The following TRAPPC10 variants were observed in gnomAD, a reference collection of about 807,000 sequenced individuals.
TRAPPC10 encodes trafficking protein particle complex subunit 10.
In TRAPPC10, 23 loss-of-function variants were observed where a neutral mutation model predicts 125.5. The observed-to-expected ratio is 0.18, with a 90% CI of 0.13 to 0.26. The LOEUF is 0.26. Among genes scored for constraint, TRAPPC10 ranks in the 10% least tolerant of loss-of-function variants. The pLI, the probability that TRAPPC10 is intolerant of heterozygous loss-of-function variation, is 1.00. For synonymous variants in TRAPPC10, 509 were observed against 518.0 expected, an observed-to-expected ratio of 0.98 and a Z score of 0.24; for missense variants, 1,123 against 1,308.4, an observed-to-expected ratio of 0.86 and a Z score of 2.19.
Position 44,075,157 on chromosome 21 carries a change from C to G in TRAPPC10, c.1300+4C>G, listed in dbSNP as rs1569199412. On this transcript the variant is annotated splice_donor_region_variant and intron_variant, in intron 9 of 22. Coordinates refer to ENST00000291574, the MANE Select transcript of TRAPPC10 (RefSeq NM_003274.5). ...GGAGCTGAGCGACCAGAAACAGGTA[C>G]TTTTTTGTATATACCTGTGTGAGTG... 2 of 1,605,220 alleles carry G rather than the reference C, an allele frequency of 1.2e-6. No homozygotes were observed. Among genetic ancestry groups the G allele is most frequent in the East Asian group, 4.5e-5 (2 of 44,830 alleles).
chr21:44,065,673 C>A (rs2036393646), intron 7 of TRAPPC10, among the ~76,000 whole-genome samples: 1 of 152,220 alleles, frequency 6.6e-6, no homozygotes. Context: ...CGCCTCCTTA[C>A]ATGCGCTGTG....
chr21:44,030,305 C>T (rs766246852), intron 1 of TRAPPC10, among the ~76,000 whole-genome samples: 4 of 151,980 alleles, frequency 2.6e-5, no homozygotes, highest in South Asian at 2.1e-4. Flanking sequence ...GAGGAGAAAG[C>T]GATTCCATTT....
intron 15 of TRAPPC10, among the ~76,000 whole-genome samples, chr21:44,086,039 A>C (rs773327580): frequency 6.6e-6 from 1 of 152,244 alleles, no homozygotes; most frequent in African/African-American, 2.4e-5. Context: ...TGTGGGACAC[A>C]GCAGTCAGTC....
At chr21:44,085,706 C>T (rs959162131) in intron 15 of TRAPPC10, among the ~76,000 whole-genome samples, 4 of 122,242 alleles carry the variant, frequency 3.3e-5, no homozygotes, top group Non-Finnish European at 6.2e-5. Flanking sequence ...AACTCCATCT[C>T]TTAAAAAAAA....
In TRAPPC10 at chr21:44,086,856, A is replaced by G. The variant is rs1192472618; in HGVS notation, c.2435A>G (p.His812Arg). 2.5e-6 allele frequency: 4 copies of G among 1,614,062 alleles called. No individual in the cohort carries two copies. Among genetic ancestry groups the G allele is most frequent in the East Asian group, 2.2e-5 (1 of 44,894 alleles). The change falls in exon 16 of 23, where the codon CAT (histidine) becomes CGT (arginine). Residue 812 changes from histidine (H) to arginine (R), a missense_variant. Physicochemically the swap from His to Arg is conservative, Grantham distance 29. Transcript: ENST00000291574. ...QRVKFTVTTGHYTIKNGDSLQ... is the reference protein window; with the variant it reads ...QRVKFTVTTGRYTIKNGDSLQ... ...GTCAAGTTCACTGTCACTACCGGCC[A>G]TTATACGATAAAGAATGGAGACAGC...
chr21:44,012,690 C>T, intron 1 of TRAPPC10, 130 bp downstream of exon 1: 1 of 764,722 alleles, frequency 1.3e-6, no homozygotes, highest in Non-Finnish European at 2.0e-6. Flanking sequence ...GGAGGTGTGA[C>T]CAGGGCTGCG....
intron 1 of TRAPPC10, among the ~76,000 whole-genome samples, chr21:44,027,936 T>TA (rs1169617897): frequency 3.9e-5 from 6 of 152,164 alleles, no homozygotes. Context: ...GACTCAGACT[T>TA]ACACCCTCCA....
At chr21:44,036,383 A>G (rs1452661176) in intron 2 of TRAPPC10, among the ~76,000 whole-genome samples, 2 of 152,212 alleles carry the variant, frequency 1.3e-5, no homozygotes, top group Admixed American at 6.5e-5. Flanking sequence ...TCCCACCCTG[A>G]GGGCCTTGCG....
chr21:44,082,432 A>T lies in TRAPPC10; in HGVS notation c.1724-356A>T, dbSNP rs944036687. Reference sequence around the variant, plus strand: ...AGCATGTTTTTAAGTAGGTGAGAAAATATTGGAATCCCTTGGAAATAGCTG... The same window carrying T: ...AGCATGTTTTTAAGTAGGTGAGAAATTATTGGAATCCCTTGGAAATAGCTG... On this transcript the variant is annotated intron_variant, in intron 13 of 22. Transcript: ENST00000291574. This position sits in a 1 kb window ranked among gnomAD's most constrained non-coding sequence, Gnocchi z 4.4. Among the ~76,000 whole-genome samples, 14 of 152,336 alleles carry T rather than the reference A, an allele frequency of 9.2e-5. No homozygotes were observed. Among genetic ancestry groups the T allele is most frequent in the South Asian group, 2.1e-4 (1 of 4,824 alleles).
At chr21:44,032,379 C>CTT (rs1200011844) in intron 2 of TRAPPC10, among the ~76,000 whole-genome samples, 3,287 of 108,392 alleles carry the variant, frequency 0.03, 160 homozygotes, top group Non-Finnish European at 0.036. Context: ...CCATGGTTTT[C>CTT]TTTTTTTTTT....
Position 44,063,802 on chromosome 21 carries a change from C to T in TRAPPC10, c.1038+17C>T. On this transcript the variant is annotated intron_variant, in intron 7 of 22. Transcript: ENST00000291574. This position sits in a 1 kb window ranked among gnomAD's most constrained non-coding sequence, Gnocchi z 4.4. ...CTCTTAGAAGTGAGTCGGCTGTTTT[C>T]CCAATTTACCCGTTTCTTGATTGTT... is the stretch of plus-strand genomic sequence containing the variant. 1 of 1,604,546 alleles carries T rather than the reference C, an allele frequency of 6.2e-7. No individual in the cohort carries two copies. Among genetic ancestry groups the T allele is most frequent in the Non-Finnish European group, 8.5e-7 (1 of 1,174,778 alleles).
In TRAPPC10 at chr21:44,087,170, C is replaced by T. The variant is rs947298829; in HGVS notation, c.2539+210C>T. ...GAGAGTGGTTCACACGCTGAGTGGCCGAGCAGTGCTTGTCTGGCTGAGGAT... is the reference window on the plus strand; with the variant it reads ...GAGAGTGGTTCACACGCTGAGTGGCTGAGCAGTGCTTGTCTGGCTGAGGAT... On this transcript the variant is annotated intron_variant, in intron 16 of 22. Transcript: ENST00000291574. The surrounding 1 kb of genome is among the most constrained non-coding windows in gnomAD (Gnocchi z 4.6). 1.3e-5 allele frequency among the ~76,000 whole-genome samples: 2 copies of T among 152,174 alleles called. No individual in the cohort carries two copies. Among genetic ancestry groups the T allele is most frequent in the African/African-American group, 2.4e-5 (1 of 41,444 alleles).
chr21:44,030,008 G>C (rs1367599194), intron 1 of TRAPPC10, among the ~76,000 whole-genome samples: 1 of 152,176 alleles, frequency 6.6e-6, no homozygotes, highest in Non-Finnish European at 1.5e-5. Flanking sequence ...TGTGCTGATT[G>C]ACTGGTCATC....
chr21:44,065,327 G>A (rs1449471958), intron 7 of TRAPPC10, among the ~76,000 whole-genome samples: 1 of 152,160 alleles, frequency 6.6e-6, no homozygotes, highest in Non-Finnish European at 1.5e-5. Context: ...CTCGTCTGCA[G>A]GGCCGGGAAG....
At chr21:44,052,156 G>T in intron 3 of TRAPPC10, 124 bp from the exon 4 acceptor site, 1 of 824,706 alleles carries the variant, frequency 1.2e-6, no homozygotes. Context: ...TTCAATTTAA[G>T]TCCCGAGCCT....
intron 14 of TRAPPC10, 30 bp downstream of exon 14, chr21:44,083,332 CA>C (rs758046952): frequency 6.3e-7 from 1 of 1,598,800 alleles, no homozygotes; most frequent in South Asian, 1.1e-5. Context: ...ACTTGACTTT[CA>C]AGTTTGTAAA....
chr21:44,080,019 C>G lies in TRAPPC10; in HGVS notation c.1615C>G (p.Leu539Val). The change falls in exon 13 of 23, where the codon CTG becomes GTG. Residue 539 changes from leucine to valine, a missense_variant. Coordinates refer to ENST00000291574, the MANE Select transcript of TRAPPC10 (RefSeq NM_003274.5). ...CTCCTTACCTCTCCGCTCCAGCTAC[C>G]TGCAGACCAGCAGCCTCTTAGCCAG... ...QKHLGQIENY[L>V]QTSSLLASDH... is the part of the protein sequence containing the mutation. 6.2e-7 allele frequency: 1 copy of G among 1,614,062 alleles called. No homozygotes were observed. Among genetic ancestry groups the G allele is most frequent in the Non-Finnish European group, 8.5e-7 (1 of 1,179,950 alleles).
intron 3 of TRAPPC10, among the ~76,000 whole-genome samples, chr21:44,051,022 G>A (rs2035198389): frequency 6.6e-6 from 1 of 152,152 alleles, no homozygotes; most frequent in Non-Finnish European, 1.5e-5. Flanking sequence ...CCCTGCCTCA[G>A]CCTCCTGAGT....
At chr21:44,072,531 T>G (rs189452265) in intron 7 of TRAPPC10, among the ~76,000 whole-genome samples, 3 of 152,228 alleles carry the variant, frequency 2.0e-5, no homozygotes. Context: ...TGGCATGATC[T>G]TGGCTCACCG....
Sources: gnomAD v4.1 joint callset for allele counts (sites outside exome capture counted in the v4.1 genomes callset) on GRCh38, gnomAD v4.1.1 for gene constraint, Gnocchi (gnomAD v3.1) non-coding constraint, MANE v1.5 for transcripts, NCBI Gene and HGNC (gene_info 2026-07-23, HGNC 2026-07-21) for gene names.